Variants in ELAC1 observed in about 807,000 individuals in gnomAD.
The protein encoded by ELAC1 is elaC ribonuclease Z 1.
Under a neutral mutation model 25.8 loss-of-function variants are expected in ELAC1, and 19 were observed. That is an observed-to-expected ratio of 0.74 (90% CI 0.51 to 1.08). ELAC1 has a LOEUF of 1.08. Among genes scored for constraint, ELAC1 ranks in the 50% least tolerant of loss-of-function variants. ELAC1 has a pLI of 0.00. For missense variants in ELAC1, 403 were observed against 434.6 expected (o/e 0.93, Z 0.65); for synonymous variants, 148 against 160.9 (o/e 0.92, Z 0.61).
chr18:50,984,510 T>G lies in ELAC1; in HGVS notation c.572T>G (p.Val191Gly). 6.2e-7 allele frequency: 1 copy of G among 1,614,218 alleles called. No homozygotes were observed. Among genetic ancestry groups the G allele is most frequent in the Non-Finnish European group, 8.5e-7 (1 of 1,180,034 alleles). The change falls in exon 3 of 4, where the codon GTC becomes GGC. Residue 191 changes from valine (V) to glycine (G), a missense_variant. Transcript: ENST00000269466. ...FHRIPSFGFS[V>G]VEKKRPGKLN... is the part of the protein sequence containing the mutation. The stretch of plus-strand genomic sequence containing the variant: ...AGAATTCCCTCATTTGGGTTTTCAG[T>G]CGTGGAAAAGAAACGCCCAGGTAAA...
chr18:50,971,262 C>T (rs999209633), intron 1 of ELAC1, among the ~76,000 whole-genome samples: 1 of 152,134 alleles, frequency 6.6e-6, no homozygotes, highest in African/African-American at 2.4e-5. Context: ...CTCCGAAAGC[C>T]TAATCGCAAT....
Position 50,987,760 on chromosome 18 carries a change from T to A in ELAC1, c.*675T>A, listed in dbSNP as rs1908151983. On this transcript the variant is annotated 3_prime_UTR_variant, in exon 4 of 4. Transcript: ENST00000269466. Reference sequence around the variant, plus strand: ...GTGGTAGTGGTGGTACTACTACTACTGGTATTTAGTCAGCAGGGATAAGGG... The same window carrying A: ...GTGGTAGTGGTGGTACTACTACTACAGGTATTTAGTCAGCAGGGATAAGGG... 6.6e-6 allele frequency: 1 copy of A among 152,208 alleles called. No homozygotes were observed. Among genetic ancestry groups the A allele is most frequent in the South Asian group, 2.1e-4 (1 of 4,826 alleles). 9.4% of individuals were successfully genotyped at this position (152,208 alleles called of 1,614,324 possible).
chr18:50,978,847 T>C (rs1907864132), intron 2 of ELAC1, among the ~76,000 whole-genome samples: 1 of 152,184 alleles, frequency 6.6e-6, no homozygotes, highest in Non-Finnish European at 1.5e-5. Context: ...AAAAGAGTTG[T>C]TGGAGGAAGG....
At chr18:50,971,916 A>G (rs1161789308) in intron 1 of ELAC1, among the ~76,000 whole-genome samples, 77 of 72,716 alleles carry the variant, frequency 1.1e-3, no homozygotes, top group Non-Finnish European at 1.6e-3. Context: ...GTGTGTGTAT[A>G]TATATATATA....
intron 2 of ELAC1, among the ~76,000 whole-genome samples, chr18:50,982,859 T>A (rs1907989903): frequency 6.6e-6 from 1 of 152,038 alleles, no homozygotes; most frequent in African/African-American, 2.4e-5. Flanking sequence ...TCCCCTCCCT[T>A]CCTCACCGTT....
At chr18:50,968,396 C>G (rs1451358067) in intron 1 of ELAC1, 2 of 152,678 alleles carry the variant, frequency 1.3e-5, no homozygotes, top group East Asian at 3.9e-4. Flanking sequence ...GTGCCTTGGC[C>G]TCTTACTCTC....
intron 1 of ELAC1, among the ~76,000 whole-genome samples, chr18:50,973,716 A>C (rs1024463315): frequency 6.6e-6 from 1 of 152,268 alleles, no homozygotes; most frequent in Non-Finnish European, 1.5e-5. Flanking sequence ...TTTTTTTTAA[A>C]AAAATTAGTA....
Position 50,987,193 on chromosome 18 carries a change from A to ATT in ELAC1, c.*109_*110insTT. On this transcript the variant is annotated 3_prime_UTR_variant, in exon 4 of 4. Coordinates refer to ENST00000269466, the MANE Select transcript of ELAC1 (RefSeq NM_018696.3). ...GTCTGAAATTATTTGGGCCCTAATA[A>ATT]TCCTAAAAAGAATGGAGCTGCATTG... is the stretch of plus-strand genomic sequence containing the variant. The ATT allele has an allele frequency of 3.7e-6, 3 of 810,202 alleles. No individual in the cohort carries two copies. Among genetic ancestry groups the ATT allele is most frequent in the Non-Finnish European group, 5.4e-6 (3 of 559,894 alleles). 50.2% of individuals were successfully genotyped at this position (810,202 alleles called of 1,614,324 possible).
intron 3 of ELAC1, among the ~76,000 whole-genome samples, chr18:50,985,846 A>G (rs941791795): frequency 5.9e-5 from 9 of 152,154 alleles, no homozygotes; most frequent in Non-Finnish European, 1.3e-4. Flanking sequence ...ACGAGATTTA[A>G]GCCCACTTTG....
At chr18:50,983,977 A>G (rs1032791210) in intron 2 of ELAC1, 119 bp from the exon 3 acceptor site, 1 of 598,320 alleles carries the variant, frequency 1.7e-6, no homozygotes, top group Non-Finnish European at 2.7e-6. Flanking sequence ...TGATAAGTAG[A>G]ACTTTTAAAT....
At chr18:50,983,462 G>A (rs1481202061) in intron 2 of ELAC1, among the ~76,000 whole-genome samples, 1 of 151,894 alleles carries the variant, frequency 6.6e-6, no homozygotes, top group East Asian at 1.9e-4. Context: ...CACCGTGCCT[G>A]GCCTACTTGT....
chr18:50,986,575 A>C, intron 3 of ELAC1, 44 bp from the exon 4 acceptor site: 1 of 1,459,146 alleles, frequency 6.9e-7, no homozygotes, highest in Non-Finnish European at 9.3e-7. Flanking sequence ...GAAAAGTCAT[A>C]AATTCCATTC....
At chr18:50,974,913 C>A (rs1042185722) in intron 2 of ELAC1, among the ~76,000 whole-genome samples, 1 of 152,058 alleles carries the variant, frequency 6.6e-6, no homozygotes, top group Non-Finnish European at 1.5e-5. Flanking sequence ...TGAGAGGATG[C>A]AAAGGGTAGG....
At chr18:50,978,290 C>T (rs1354118537) in intron 2 of ELAC1, among the ~76,000 whole-genome samples, 2 of 152,004 alleles carry the variant, frequency 1.3e-5, no homozygotes, top group African/African-American at 4.8e-5. Flanking sequence ...CTGTATCAGG[C>T]CATTTTCATA....
At chr18:50,969,338 A>G (rs973589709) in intron 1 of ELAC1, 54 of 152,170 alleles carry the variant, frequency 3.5e-4, no homozygotes, top group African/African-American at 1.3e-3. Context: ...CATCTCTGGT[A>G]TCCTTTAATA....
intron 2 of ELAC1, among the ~76,000 whole-genome samples, chr18:50,978,294 T>C (rs1907849477): frequency 6.6e-6 from 1 of 152,184 alleles, no homozygotes; most frequent in African/African-American, 2.4e-5. Context: ...ATCAGGCCAT[T>C]TTCATACTGC....
rs138124409 is a variant in ELAC1 at position 50,984,110 on chromosome 18, A to T, written c.172A>T (p.Ile58Phe). 5 of 1,579,602 alleles carry T rather than the reference A, an allele frequency of 3.2e-6. No individual in the cohort carries two copies. The African/African-American group carries it at 4.1e-5, about 13-fold the overall frequency. ...SQLKAGRITK[I>F]FITHLHGDHF... ...TCAATCAAAAGGGAGAATTACCAAG[A>T]TCTTCATCACACACCTTCATGGAGA... Residue 58 changes from isoleucine (I) to phenylalanine (F), a missense_variant, in exon 3 of 4, where the codon ATC becomes TTC. Physicochemically the swap from Ile to Phe is conservative, Grantham distance 21. Coordinates refer to ENST00000269466, the MANE Select transcript of ELAC1 (RefSeq NM_018696.3).
rs1908035997 is a variant in ELAC1, at chr18:50,984,194, G to T, written c.256G>T (p.Val86Leu). ...AATCAGCCTGCAGAGTGGCTCCATG[G>T]TGTCCAAACAGCCTATTGAAATCTA... ...CTISLQSGSM[V>L]SKQPIEIYGP... Residue 86 changes from valine (V) to leucine (L), a missense_variant, in exon 3 of 4, where the codon GTG becomes TTG. Coordinates refer to ENST00000269466, the MANE Select transcript of ELAC1 (RefSeq NM_018696.3). 6.2e-7 allele frequency: 1 copy of T among 1,614,140 alleles called. No individual in the cohort carries two copies. Among genetic ancestry groups the T allele is most frequent in the African/African-American group, 1.3e-5 (1 of 75,032 alleles).
intron 1 of ELAC1, among the ~76,000 whole-genome samples, chr18:50,973,895 G>A (rs1355903599): frequency 1.3e-5 from 2 of 152,166 alleles, no homozygotes; most frequent in Non-Finnish European, 2.9e-5. Flanking sequence ...TATTGATACA[G>A]ATACACTGTC....
Sources: gnomAD v4.1 joint callset for allele counts (sites outside exome capture counted in the v4.1 genomes callset) on GRCh38, gnomAD v4.1.1 for gene constraint, MANE v1.5 for transcripts, NCBI Gene and HGNC (gene_info 2026-07-23, HGNC 2026-07-21) for gene names.